Variants in RPS6KC1 observed in about 807,000 individuals in gnomAD.
The protein encoded by RPS6KC1 is ribosomal protein S6 kinase C1, also known as inactive ribosomal protein S6 kinase delta-1.
RPS6KC1 carries 54 observed loss-of-function variants against 103.8 expected under a neutral mutation model. That is an observed-to-expected ratio of 0.52 (90% CI 0.42 to 0.65). RPS6KC1 has a LOEUF of 0.65. RPS6KC1 is among the 30% of genes least tolerant of loss of function. The pLI, the probability that RPS6KC1 is intolerant of heterozygous loss-of-function variation, is 0.00. For missense variants in RPS6KC1, 1,151 were observed against 1,253.8 expected (o/e 0.92, Z 1.24); for synonymous variants, 439 against 438.7 (o/e 1.00, Z -0.01).
chr1:213,708,171 G>C, the RPS6KC1 span, among the ~76,000 whole-genome samples: 4 of 152,166 alleles, frequency 2.6e-5, no homozygotes, highest in African/African-American at 9.7e-5. Flanking sequence ...TTCTATCCAT[G>C]AGCATGGAAT....
chr1:213,151,212 C>A (rs576475194), intron 6 of RPS6KC1, among the ~76,000 whole-genome samples: 1 of 124,230 alleles, frequency 8.0e-6, no homozygotes, highest in African/African-American at 3.1e-5. Context: ...GCTGGCCAGG[C>A]GGGGGGCTGA....
chr1:213,812,218 A>G, the RPS6KC1 span, among the ~76,000 whole-genome samples: 4 of 152,066 alleles, frequency 2.6e-5, no homozygotes, highest in African/African-American at 9.7e-5. Context: ...GAAAGACAAA[A>G]AGAAAGGGAG....
the RPS6KC1 span, among the ~76,000 whole-genome samples, chr1:213,405,291 C>T: frequency 2.6e-3 from 395 of 152,354 alleles, 6 homozygotes; most frequent in African/African-American, 8.9e-3. Flanking sequence ...CTCCAGGTTC[C>T]CTGGCTCGAA....
At chr1:213,384,413 G>A in the RPS6KC1 span, among the ~76,000 whole-genome samples, 2 of 152,090 alleles carry the variant, frequency 1.3e-5, no homozygotes, top group African/African-American at 4.8e-5. Flanking sequence ...GAAGAGGGGT[G>A]AGAGACTGAG....
At chr1:213,781,288 G>A in the RPS6KC1 span, among the ~76,000 whole-genome samples, 63 of 151,894 alleles carry the variant, frequency 4.1e-4, 2 homozygotes, top group East Asian at 8.0e-3. Context: ...ATGGGAGTGT[G>A]GATCACTTTA....
chr1:213,279,182 G>A (rs1302434119), downstream of RPS6KC1, among the ~76,000 whole-genome samples: 3 of 152,130 alleles, frequency 2.0e-5, no homozygotes, highest in African/African-American at 7.2e-5. Flanking sequence ...AGAATAAATT[G>A]GAGAAAGAGA....
At chr1:213,463,750 C>A in the RPS6KC1 span, among the ~76,000 whole-genome samples, 1 of 152,154 alleles carries the variant, frequency 6.6e-6, no homozygotes, top group Non-Finnish European at 1.5e-5. Context: ...CTCTCTGAAA[C>A]TCTGCCCCAC....
the RPS6KC1 span, among the ~76,000 whole-genome samples, chr1:213,327,212 C>T: frequency 9.0e-6 from 1 of 110,504 alleles, no homozygotes; most frequent in Non-Finnish European, 2.0e-5. Flanking sequence ...GGAGAAGCTG[C>T]TCAAATGGGG....
chr1:213,396,899 G>A, the RPS6KC1 span, among the ~76,000 whole-genome samples: 1 of 152,174 alleles, frequency 6.6e-6, no homozygotes, highest in Non-Finnish European at 1.5e-5. Flanking sequence ...CCATGCCATG[G>A]CCAACGTAGG....
At chr1:213,853,965 C>T in the RPS6KC1 span, among the ~76,000 whole-genome samples, 6 of 152,186 alleles carry the variant, frequency 3.9e-5, no homozygotes, top group South Asian at 2.1e-4. Context: ...GTGACTGGTG[C>T]GATTTCTTCC....
chr1:213,259,792 G>T (rs1464123420), intron 12 of RPS6KC1, among the ~76,000 whole-genome samples: 5 of 125,336 alleles, frequency 4.0e-5, no homozygotes, highest in Non-Finnish European at 7.9e-5. Context: ...AGGCTGGAGT[G>T]CAGTGGCCTG....
the RPS6KC1 span, among the ~76,000 whole-genome samples, chr1:213,631,117 T>G: frequency 2.0e-5 from 3 of 152,136 alleles, no homozygotes; most frequent in African/African-American, 7.2e-5. Context: ...GTCACCCCTT[T>G]CTTTGACTAG....
the RPS6KC1 span, among the ~76,000 whole-genome samples, chr1:213,793,986 T>C: frequency 1.3e-5 from 2 of 152,220 alleles, no homozygotes; most frequent in Non-Finnish European, 2.9e-5. Context: ...TTCAAGGTTA[T>C]GTGATTAGAA....
chr1:213,353,289 C>T, the RPS6KC1 span, among the ~76,000 whole-genome samples: 6 of 152,278 alleles, frequency 3.9e-5, no homozygotes, highest in East Asian at 9.6e-4. Flanking sequence ...TTTGTACTTA[C>T]AAAAATAAGT....
At chr1:213,108,518 T>G (rs1402270943) in intron 4 of RPS6KC1, among the ~76,000 whole-genome samples, 3 of 152,164 alleles carry the variant, frequency 2.0e-5, no homozygotes, top group African/African-American at 7.2e-5. Flanking sequence ...TAGTGTAAGT[T>G]TGCCTACTTT....
At chr1:213,723,657 T>A in the RPS6KC1 span, among the ~76,000 whole-genome samples, 2 of 152,154 alleles carry the variant, frequency 1.3e-5, no homozygotes, top group Non-Finnish European at 2.9e-5. Context: ...TTTGGGGAGA[T>A]ATAATTCAGT....
At chr1:213,121,368 T>G (rs2084366327) in intron 5 of RPS6KC1, among the ~76,000 whole-genome samples, 1 of 152,256 alleles carries the variant, frequency 6.6e-6, no homozygotes, top group Admixed American at 6.5e-5. Context: ...AAGAAATTAT[T>G]TGGTAGGTTT....
At chr1:213,465,840 T>C in the RPS6KC1 span, among the ~76,000 whole-genome samples, 1 of 152,156 alleles carries the variant, frequency 6.6e-6, no homozygotes, top group African/African-American at 2.4e-5. Context: ...CTAGGCCCCT[T>C]CCACTCTGAC....
chr1:213,485,681 C>T, the RPS6KC1 span, among the ~76,000 whole-genome samples: 1 of 152,136 alleles, frequency 6.6e-6, no homozygotes, highest in East Asian at 1.9e-4. Context: ...CCACTAACTA[C>T]AAGACAGCAG....
Sources: allele counts gnomAD v4.1 joint callset (sites outside exome capture counted in the v4.1 genomes callset), GRCh38; gene constraint gnomAD v4.1.1; transcripts MANE v1.5; gene names NCBI Gene and HGNC (gene_info 2026-07-23, HGNC 2026-07-21).